The following HCN1 variants were observed in gnomAD, a reference collection of about 807,000 sequenced individuals.
HCN1 encodes hyperpolarization activated cyclic nucleotide gated potassium channel 1, also known as potassium/sodium hyperpolarization-activated cyclic nucleotide-gated channel 1.
In HCN1, 13 loss-of-function variants were observed where a neutral mutation model predicts 78.9. That is an observed-to-expected ratio of 0.16 (90% CI 0.11 to 0.26). The LOEUF (loss-of-function observed/expected upper bound fraction) is 0.26, where lower values mean the gene tolerates loss of function less well. Ranked by LOEUF, HCN1 falls within the 10% of genes least tolerant of loss-of-function variation. HCN1 has a pLI of 1.00. For missense variants in HCN1, 810 were observed against 1,154.3 expected, an observed-to-expected ratio of 0.70 and a Z score of 4.32; for synonymous variants, 552 against 455.5, an observed-to-expected ratio of 1.21 and a Z score of -2.70.
intron 3 of HCN1, among the ~76,000 whole-genome samples, chr5:45,436,066 C>T (rs976866710): frequency 5.3e-5 from 8 of 152,120 alleles, no homozygotes; most frequent in Non-Finnish European, 1.0e-4. Context: ...TCTATATTTA[C>T]AAACATTTAA....
chr5:45,592,841 G>T (rs1402138733), intron 2 of HCN1, among the ~76,000 whole-genome samples: 1 of 152,044 alleles, frequency 6.6e-6, no homozygotes, highest in Non-Finnish European at 1.5e-5. Flanking sequence ...AACCATTGAA[G>T]ATTTAGAAGC....
chr5:45,288,484 A>C (rs967022450), intron 6 of HCN1, among the ~76,000 whole-genome samples: 3 of 151,992 alleles, frequency 2.0e-5, no homozygotes, highest in Non-Finnish European at 4.4e-5. Context: ...CGTCTGTCTT[A>C]ATAATCTCAT....
intron 4 of HCN1, among the ~76,000 whole-genome samples, chr5:45,359,404 C>CAAAA (rs71000628): frequency 2.1e-5 from 3 of 143,146 alleles, no homozygotes; most frequent in East Asian, 2.1e-4. Flanking sequence ...CAGGAAGCAT[C>CAAAA]AAAAAAAAAA....
chr5:45,359,111 AT>A (rs1326550557), intron 4 of HCN1, among the ~76,000 whole-genome samples: 10 of 152,080 alleles, frequency 6.6e-5, no homozygotes, highest in African/African-American at 2.4e-4. Flanking sequence ...ACATGTGCAG[AT>A]AATAAATTTG....
intron 2 of HCN1, among the ~76,000 whole-genome samples, chr5:45,550,029 A>G (rs1173603535): frequency 6.6e-6 from 1 of 152,078 alleles, no homozygotes; most frequent in African/African-American, 2.4e-5. Context: ...GAGAAATAGG[A>G]ACACTTTTAC....
chr5:45,585,217 T>C (rs1744186004), intron 2 of HCN1, among the ~76,000 whole-genome samples: 1 of 152,182 alleles, frequency 6.6e-6, no homozygotes. Flanking sequence ...CTTGGAGGCT[T>C]TGTTCATTTC....
At chr5:45,427,979 T>C (rs761899703) in intron 3 of HCN1, among the ~76,000 whole-genome samples, 55 of 152,000 alleles carry the variant, frequency 3.6e-4, no homozygotes, top group Non-Finnish European at 6.5e-4. Context: ...TGTAGTATGG[T>C]GGAAAGAGGG....
chr5:45,674,984 T>G (rs1746237704), intron 1 of HCN1, among the ~76,000 whole-genome samples: 1 of 151,724 alleles, frequency 6.6e-6, no homozygotes, highest in Non-Finnish European at 1.5e-5. Flanking sequence ...TTACTATATG[T>G]TGTATGTAGG....
intron 2 of HCN1, among the ~76,000 whole-genome samples, chr5:45,589,368 A>G (rs1246676067): frequency 1.3e-5 from 2 of 152,200 alleles, no homozygotes; most frequent in Non-Finnish European, 2.9e-5. Flanking sequence ...GAAGTCTTAC[A>G]TAGAGAAAAA....
intron 2 of HCN1, among the ~76,000 whole-genome samples, chr5:45,536,640 T>C (rs1167941609): frequency 2.6e-5 from 4 of 152,184 alleles, no homozygotes; most frequent in African/African-American, 7.2e-5. Context: ...TGTGTGCTAA[T>C]AGAAACATTT....
intron 3 of HCN1, among the ~76,000 whole-genome samples, chr5:45,426,283 T>C (rs1034351251): frequency 1.3e-5 from 2 of 152,202 alleles, no homozygotes; most frequent in Non-Finnish European, 2.9e-5. Context: ...GGAGCTAATG[T>C]GAATGGTTAG....
chr5:45,566,436 AT>A (rs1289060388), intron 2 of HCN1, among the ~76,000 whole-genome samples: 2 of 152,232 alleles, frequency 1.3e-5, no homozygotes, highest in African/African-American at 4.8e-5. Flanking sequence ...AGTATTTTTC[AT>A]TTAGGTCACA....
intron 2 of HCN1, among the ~76,000 whole-genome samples, chr5:45,500,438 G>A (rs1370942404): frequency 6.6e-6 from 1 of 152,044 alleles, no homozygotes. Flanking sequence ...CTTATGTCCT[G>A]GTCATAGAAA....
At chr5:45,442,772 G>A (rs938016868) in intron 3 of HCN1, among the ~76,000 whole-genome samples, 1 of 152,046 alleles carries the variant, frequency 6.6e-6, no homozygotes, top group Non-Finnish European at 1.5e-5. Context: ...CCAAAGTCAT[G>A]GGCTGCCTTT....
chr5:45,541,168 T>A (rs1385648950), intron 2 of HCN1, among the ~76,000 whole-genome samples: 3 of 152,146 alleles, frequency 2.0e-5, no homozygotes, highest in African/African-American at 7.2e-5. Context: ...TGGTACAAAA[T>A]GTTTATAGAA....
intron 1 of HCN1, among the ~76,000 whole-genome samples, chr5:45,671,717 C>T (rs1429797609): frequency 1.3e-5 from 2 of 151,438 alleles, no homozygotes; most frequent in Admixed American, 6.6e-5. Flanking sequence ...TAGTAAAATG[C>T]TATGTAAAGT....
In HCN1 at chr5:45,280,237, A is replaced by G. The variant is rs540921396; in HGVS notation, c.1619-12984T>C. On this transcript the variant is annotated intron_variant, in intron 6 of 7. Coordinates refer to ENST00000303230, the MANE Select transcript of HCN1 (RefSeq NM_021072.4). ...CTTACTATTTTGCATCATCATCACTATCATAGCAGAAACTCCTAGACAGAA... is the reference window on the plus strand; with the variant it reads ...CTTACTATTTTGCATCATCATCACTGTCATAGCAGAAACTCCTAGACAGAA... Among the ~76,000 whole-genome samples, 6 of 152,264 alleles carry G rather than the reference A, an allele frequency of 3.9e-5. No homozygotes were observed. The South Asian group carries it at 6.2e-4, about 16-fold the overall frequency.
chr5:45,576,822 GGA>G (rs1743956614), intron 2 of HCN1, among the ~76,000 whole-genome samples: 1 of 151,890 alleles, frequency 6.6e-6, no homozygotes, highest in Admixed American at 6.6e-5. Flanking sequence ...GCAGTATTTT[GGA>G]GATAGGCCTT....
chr5:45,513,764 T>C (rs1279923540), intron 2 of HCN1, among the ~76,000 whole-genome samples: 1 of 152,076 alleles, frequency 6.6e-6, no homozygotes, highest in Admixed American at 6.6e-5. Context: ...TGTGGAAAAA[T>C]TGTTTTCCAT....
Sources: allele counts gnomAD v4.1 joint callset (sites outside exome capture counted in the v4.1 genomes callset), GRCh38; gene constraint gnomAD v4.1.1; transcripts MANE v1.5; gene names NCBI Gene and HGNC (gene_info 2026-07-23, HGNC 2026-07-21).